The following ANKS1B variants were observed in gnomAD, a reference collection of about 807,000 sequenced individuals.
ANKS1B encodes the protein ankyrin repeat and sterile alpha motif domain-containing protein 1B.
In ANKS1B, 36 loss-of-function variants were observed where a neutral mutation model predicts 148.3. The ratio of observed to expected loss-of-function variants is 0.24; its 90% CI spans 0.19 to 0.32. The LOEUF is 0.32. ANKS1B is among the 10% of genes least tolerant of loss of function. ANKS1B has a pLI of 1.00. For synonymous variants in ANKS1B, 542 were observed against 560.8 expected (o/e 0.97, Z 0.47); for missense variants, 1,157 against 1,542.6 (o/e 0.75, Z 4.19).
intron 8 of ANKS1B, among the ~76,000 whole-genome samples, chr12:99,698,566 TAAG>T (rs1414839173): frequency 6.6e-6 from 1 of 151,588 alleles, no homozygotes; most frequent in African/African-American, 2.4e-5. Context: ...ATCCATGACT[TAAG>T]AAAAAAAAAT....
chr12:98,966,340 CATA>C (rs1399783456), intron 17 of ANKS1B, among the ~76,000 whole-genome samples: 2 of 152,124 alleles, frequency 1.3e-5, no homozygotes, highest in African/African-American at 4.8e-5. Context: ...AAATCAAAAC[CATA>C]ATGAGATACC....
chr12:99,687,367 G>A (rs1358963124), intron 8 of ANKS1B, among the ~76,000 whole-genome samples: 1 of 151,956 alleles, frequency 6.6e-6, no homozygotes, highest in African/African-American at 2.4e-5. Flanking sequence ...TGGATCTGTG[G>A]GCTTAGAGTT....
chr12:98,799,896 A>G (rs2098986348), intron 21 of ANKS1B, among the ~76,000 whole-genome samples: 1 of 152,084 alleles, frequency 6.6e-6, no homozygotes, highest in African/African-American at 2.4e-5. Context: ...GTTTTTTAAA[A>G]AAGTGAATTA....
At chr12:99,654,950 C>T in intron 9 of ANKS1B, 117 bp downstream of exon 9, 1 of 1,211,000 alleles carries the variant, frequency 8.3e-7, no homozygotes, top group Non-Finnish European at 1.1e-6. Context: ...CCACAAGATC[C>T]AAAATCACAA....
chr12:99,666,886 GTGTGTGTGT>G (rs1567601368), intron 8 of ANKS1B, among the ~76,000 whole-genome samples: 9 of 145,554 alleles, frequency 6.2e-5, no homozygotes, highest in Non-Finnish European at 1.1e-4. Context: ...GTGTGTGTGT[GTGTGTGTGT>G]GGTGAGGACA....
At position 98,745,595 on chromosome 12, in the gene ANKS1B, G is replaced by A. The variant is rs2153364887; in HGVS notation, c.*144C>T. 1 of 1,418,474 alleles carries A rather than the reference G, an allele frequency of 7.0e-7. No homozygotes were observed. Among genetic ancestry groups the A allele is most frequent in the Non-Finnish European group, 9.2e-7 (1 of 1,083,234 alleles). 87.9% of individuals were successfully genotyped at this position (1,418,474 alleles called of 1,614,324 possible). On this transcript the variant is annotated 3_prime_UTR_variant, in exon 27 of 27. Coordinates refer to ENST00000683438, the MANE Select transcript of ANKS1B (RefSeq NM_001352186.2). Reference sequence around the variant, plus strand: ...GTGCAGAAAGAACTTCCCCAGGAATGGCCAGTGGCCTTTCGCCCGTAACAA... The same window carrying A: ...GTGCAGAAAGAACTTCCCCAGGAATAGCCAGTGGCCTTTCGCCCGTAACAA...
intron 19 of ANKS1B, among the ~76,000 whole-genome samples, 194 bp downstream of exon 19, chr12:98,828,980 T>C (rs1300885687): frequency 6.6e-6 from 1 of 152,224 alleles, no homozygotes; most frequent in Admixed American, 6.5e-5. Context: ...AACAAGGACA[T>C]GTGTACACAT....
intron 17 of ANKS1B, among the ~76,000 whole-genome samples, chr12:98,888,220 G>T (rs1032869479): frequency 6.6e-6 from 1 of 152,100 alleles, no homozygotes; most frequent in Admixed American, 6.6e-5. Context: ...ATATTATTTT[G>T]GATGGTGAGA....
At chr12:99,828,705 A>G (rs956602394) in intron 1 of ANKS1B, among the ~76,000 whole-genome samples, 4 of 152,272 alleles carry the variant, frequency 2.6e-5, no homozygotes, top group Non-Finnish European at 5.9e-5. Context: ...TCAGTAGAAG[A>G]ATTAAAAATA....
At chr12:99,057,944 G>A (rs1490431756) in intron 16 of ANKS1B, among the ~76,000 whole-genome samples, 1 of 152,166 alleles carries the variant, frequency 6.6e-6, no homozygotes, top group Non-Finnish European at 1.5e-5. Context: ...GATGAAGTTA[G>A]CTGAAGCACA....
chr12:99,466,563 G>A (rs1373183608), intron 10 of ANKS1B, among the ~76,000 whole-genome samples: 1 of 150,662 alleles, frequency 6.6e-6, no homozygotes, highest in Non-Finnish European at 1.5e-5. Context: ...AAGAAGAAAA[G>A]AGAGAAGAAT....
At chr12:99,960,567 C>T (rs1015055790) in intron 1 of ANKS1B, among the ~76,000 whole-genome samples, 1 of 152,172 alleles carries the variant, frequency 6.6e-6, no homozygotes, top group African/African-American at 2.4e-5. Flanking sequence ...AGAAAAGAGG[C>T]AGGGAGTCTG....
At chr12:98,964,025 G>C (rs1463624967) in intron 17 of ANKS1B, among the ~76,000 whole-genome samples, 1 of 152,114 alleles carries the variant, frequency 6.6e-6, no homozygotes, top group African/African-American at 2.4e-5. Flanking sequence ...TTGAACCTGG[G>C]AGGTGGAGGT....
chr12:98,902,286 C>T (rs1007840103), intron 17 of ANKS1B, among the ~76,000 whole-genome samples: 7 of 152,204 alleles, frequency 4.6e-5, no homozygotes, highest in African/African-American at 1.7e-4. Flanking sequence ...CCCTGAGAGT[C>T]AGTTTCATCT....
chr12:99,132,328 A>G (rs1378152042), intron 15 of ANKS1B, among the ~76,000 whole-genome samples: 1 of 152,080 alleles, frequency 6.6e-6, no homozygotes, highest in Non-Finnish European at 1.5e-5. Context: ...AAGAAATAGG[A>G]AAGAGTTATA....
At chr12:99,663,983 T>C (rs1359482107) in intron 8 of ANKS1B, among the ~76,000 whole-genome samples, 5 of 152,194 alleles carry the variant, frequency 3.3e-5, no homozygotes, top group African/African-American at 1.2e-4. Flanking sequence ...TTTGAACGTT[T>C]TTATTATCTC....
intron 1 of ANKS1B, among the ~76,000 whole-genome samples, chr12:99,909,068 ACTT>A (rs1454702669): frequency 2.6e-5 from 4 of 151,218 alleles, no homozygotes; most frequent in African/African-American, 4.9e-5. Context: ...TATATATTCA[ACTT>A]TTTTTTTAGA....
intron 12 of ANKS1B, among the ~76,000 whole-genome samples, chr12:99,271,820 A>G (rs1328466699): frequency 6.6e-6 from 1 of 151,776 alleles, no homozygotes; most frequent in Non-Finnish European, 1.5e-5. Flanking sequence ...ACTGGAGTGA[A>G]GGAAGGATTG....
At chr12:99,962,920 TCTC>T (rs1330944540) in intron 1 of ANKS1B, among the ~76,000 whole-genome samples, 1 of 151,864 alleles carries the variant, frequency 6.6e-6, no homozygotes, top group Non-Finnish European at 1.5e-5. Flanking sequence ...CTCACGCCAT[TCTC>T]CTGCCTCAGC....
Sources: allele counts gnomAD v4.1 joint callset (sites outside exome capture counted in the v4.1 genomes callset), GRCh38; gene constraint gnomAD v4.1.1; transcripts MANE v1.5; gene names NCBI Gene and HGNC (gene_info 2026-07-23, HGNC 2026-07-21).